WDR72: variants seen among roughly 807,000 people sequenced by gnomAD.
WDR72 encodes the protein WD repeat-containing protein 72.
Under a neutral mutation model 124.2 loss-of-function variants are expected in WDR72, and 120 were observed. That is an observed-to-expected ratio of 0.97 (90% CI 0.83 to 1.12). The LOEUF (loss-of-function observed/expected upper bound fraction) is 1.12. Among genes scored for constraint, WDR72 ranks in the 50% most tolerant of loss-of-function variants. The pLI, the probability that WDR72 is intolerant of heterozygous loss-of-function variation, is 0.00. For synonymous variants in WDR72, 452 were observed against 441.7 expected, an observed-to-expected ratio of 1.02 and a Z score of -0.29; for missense variants, 1,387 against 1,278.8, an observed-to-expected ratio of 1.08 and a Z score of -1.29.
intron 18 of WDR72, among the ~76,000 whole-genome samples, chr15:53,578,951 T>C (rs529325356): frequency 3.3e-5 from 5 of 152,086 alleles, no homozygotes; most frequent in Non-Finnish European, 7.3e-5. Context: ...AAAAACCCGA[T>C]TTCATAGCTT....
At chr15:53,532,413 T>A (rs547193700) in intron 18 of WDR72, among the ~76,000 whole-genome samples, 1 of 152,134 alleles carries the variant, frequency 6.6e-6, no homozygotes, top group African/African-American at 2.4e-5. Context: ...AGTGGATGAA[T>A]AGATAAAGAA....
intron 19 of WDR72, 87 bp downstream of exon 19, chr15:53,523,131 T>A: frequency 8.2e-7 from 1 of 1,220,552 alleles, no homozygotes; most frequent in Non-Finnish European, 1.2e-6. Flanking sequence ...AGCATTACAA[T>A]GTCCTCTCCC....
intron 13 of WDR72, among the ~76,000 whole-genome samples, chr15:53,689,402 A>G (rs542729409): frequency 1.5e-4 from 23 of 149,872 alleles, no homozygotes; most frequent in Admixed American, 4.0e-4. Context: ...AAAAGTGGGC[A>G]AAGGACATGA....
chr15:53,734,269 C>T (rs1012578540), intron 1 of WDR72, among the ~76,000 whole-genome samples: 9 of 152,104 alleles, frequency 5.9e-5, no homozygotes, highest in Admixed American at 5.2e-4. Context: ...ATTTTCACTT[C>T]TTAGGTCAAT....
At chr15:53,564,416 T>C (rs1250113977) in intron 18 of WDR72, among the ~76,000 whole-genome samples, 1 of 151,916 alleles carries the variant, frequency 6.6e-6, no homozygotes, top group Non-Finnish European at 1.5e-5. Context: ...TAGGACAGCA[T>C]CTAAAGATAG....
chr15:53,756,208 C>A (rs1447545859), intron 1 of WDR72, among the ~76,000 whole-genome samples: 2 of 152,092 alleles, frequency 1.3e-5, no homozygotes, highest in Admixed American at 6.5e-5. Flanking sequence ...ATGCTGTTCT[C>A]GTGATAGTAA....
intron 18 of WDR72, among the ~76,000 whole-genome samples, chr15:53,573,598 T>C (rs771702100): frequency 2.0e-5 from 3 of 151,830 alleles, no homozygotes; most frequent in Non-Finnish European, 4.4e-5. Flanking sequence ...CAGGCTGGAG[T>C]GCAGTGGCAC....
intron 10 of WDR72, 107 bp from the exon 11 acceptor site, chr15:53,705,340 C>A (rs1420319152): frequency 1.6e-5 from 16 of 1,009,604 alleles, no homozygotes; most frequent in East Asian, 2.5e-5. Flanking sequence ...AGTGTTACAG[C>A]CTATCCCAGA....
Position 53,690,577 on chromosome 15 carries a change from TGTTTTCAAG to T in WDR72, c.1765+9164_1765+9172del, listed in dbSNP as rs577176295. Among the ~76,000 whole-genome samples the T allele has an allele frequency of 1.8e-4, 28 of 152,316 alleles. No homozygotes were observed. In the East Asian group the frequency reaches 5.0e-3, roughly 27 times the overall value. Reference sequence around the variant, plus strand: ...TATGTCTGACTTCTTTCACTTAGCATGTTTTCAAGGTTCATTCAAGTTGTAGCATGACAA... The same window carrying T: ...TATGTCTGACTTCTTTCACTTAGCATGTTCATTCAAGTTGTAGCATGACAA... On this transcript the variant is annotated intron_variant, in intron 13 of 19. Transcript: ENST00000360509.
intron 17 of WDR72, among the ~76,000 whole-genome samples, chr15:53,603,991 A>C (rs2013162288): frequency 6.6e-6 from 1 of 152,122 alleles, no homozygotes; most frequent in Non-Finnish European, 1.5e-5. Flanking sequence ...CTTAAAATTC[A>C]TATGGAACCA....
At chr15:53,710,089 G>A (rs1323047055) in intron 9 of WDR72, among the ~76,000 whole-genome samples, 7 of 152,160 alleles carry the variant, frequency 4.6e-5, no homozygotes, top group Admixed American at 4.6e-4. Flanking sequence ...GTATGATTCA[G>A]TCAAGTAATA....
chr15:53,684,227 C>T, intron 13 of WDR72: 1 of 153,470 alleles, frequency 6.5e-6, no homozygotes, highest in Non-Finnish European at 1.5e-5. Context: ...TGAATAGGAA[C>T]AGCTCCGGTC....
rs7165501 is a variant in WDR72 at position 53,604,878 on chromosome 15, A to G, written c.2952+4635T>C. ...GACTGTGGAGAAAAGGAACGCTTAT[A>G]CATTGTTGGTGGGAATGTAAATTAG... On this transcript the variant is annotated intron_variant, in intron 17 of 19. Transcript: ENST00000360509. Among the ~76,000 whole-genome samples, 1,430 of 152,322 alleles carry G rather than the reference A, an allele frequency of 9.4e-3. 33 individuals carry two copies. The highest frequency in any genetic ancestry group is 0.033 in the African/African-American group (1,380 of 41,560).
intron 18 of WDR72, among the ~76,000 whole-genome samples, chr15:53,574,685 A>T (rs997416331): frequency 6.6e-6 from 1 of 152,124 alleles, no homozygotes; most frequent in African/African-American, 2.4e-5. Flanking sequence ...TTTTCATTAT[A>T]TTATTTCTAA....
intron 18 of WDR72, 150 bp downstream of exon 18, chr15:53,596,929 C>T (rs1409757373): frequency 1.2e-5 from 9 of 762,858 alleles, no homozygotes; most frequent in Admixed American, 4.1e-5. Context: ...CCAGATATAA[C>T]CCCATCATAA....
chr15:53,598,662 T>A (rs1184520033), intron 17 of WDR72, among the ~76,000 whole-genome samples: 1 of 152,122 alleles, frequency 6.6e-6, no homozygotes, highest in East Asian at 1.9e-4. Flanking sequence ...GATTGCTGAT[T>A]ATCTCCCTGC....
chr15:53,600,383 T>C (rs944473760), intron 17 of WDR72, among the ~76,000 whole-genome samples: 1 of 152,184 alleles, frequency 6.6e-6, no homozygotes, highest in Non-Finnish European at 1.5e-5. Flanking sequence ...ATTATGGCTA[T>C]AAAGCTGTCT....
intron 13 of WDR72, among the ~76,000 whole-genome samples, chr15:53,667,587 A>G (rs2015824061): frequency 6.6e-6 from 1 of 152,290 alleles, no homozygotes; most frequent in South Asian, 2.1e-4. Flanking sequence ...AAGAGTTATT[A>G]CTGCTTCCTG....
At chr15:53,548,586 GCTGAGGGAACTAT>G (rs1893591780) in intron 18 of WDR72, among the ~76,000 whole-genome samples, 1 of 151,622 alleles carries the variant, frequency 6.6e-6, no homozygotes, top group Non-Finnish European at 1.5e-5. Context: ...AAAAGTAAAA[GCTGAGGGAACTAT>G]CTGTAGTGAA....
Sources: gnomAD v4.1 joint callset for allele counts (sites outside exome capture counted in the v4.1 genomes callset) on GRCh38, gnomAD v4.1.1 for gene constraint, MANE v1.5 for transcripts, NCBI Gene and HGNC (gene_info 2026-07-23, HGNC 2026-07-21) for gene names.